Variants in ADAMTS12 observed in about 807,000 individuals in gnomAD.
ADAMTS12 encodes the protein A disintegrin and metalloproteinase with thrombospondin motifs 12.
ADAMTS12 carries 118 observed loss-of-function variants against 167.8 expected under a neutral mutation model. That is an observed-to-expected ratio of 0.70 (90% CI 0.61 to 0.82). The LOEUF is 0.82. ADAMTS12 is among the 40% of genes least tolerant of loss of function. The pLI, the probability that ADAMTS12 is intolerant of heterozygous loss-of-function variation, is 0.00. For synonymous variants in ADAMTS12, 704 were observed against 716.9 expected (o/e 0.98, Z 0.29); for missense variants, 1,916 against 1,998.8 (o/e 0.96, Z 0.79).
chr5:33,732,015 G>C (rs1398549130), intron 3 of ADAMTS12, among the ~76,000 whole-genome samples: 1 of 152,102 alleles, frequency 6.6e-6, no homozygotes, highest in Non-Finnish European at 1.5e-5. Context: ...GCTGCCTTGA[G>C]AAATATTCTA....
At chr5:33,583,697 A>C (rs1047621793) in intron 18 of ADAMTS12, among the ~76,000 whole-genome samples, 3 of 152,156 alleles carry the variant, frequency 2.0e-5, no homozygotes, top group African/African-American at 7.2e-5. Flanking sequence ...ACTGGAATAA[A>C]AGTTGTATCT....
rs1744278471 is a variant in ADAMTS12, at chr5:33,534,561, G to C, written c.4606+272C>G. 2.0e-5 allele frequency among the ~76,000 whole-genome samples: 3 copies of C among 152,158 alleles called. No homozygotes were observed. In the South Asian group the frequency reaches 6.2e-4, roughly 32 times the overall value. ...TTCTCATCCATGTTGGATGACATCA[G>C]TGTGAACAGGCTTACAGAGAGAAAA... On this transcript the variant is annotated intron_variant, in intron 23 of 23. Transcript: ENST00000504830.
At chr5:33,568,765 C>T (rs374413714) in intron 19 of ADAMTS12, among the ~76,000 whole-genome samples, 25 of 152,228 alleles carry the variant, frequency 1.6e-4, no homozygotes, top group East Asian at 5.8e-4. Flanking sequence ...TGCAGCGCAC[C>T]GTGCACCAGC....
At chr5:33,762,462 C>T (rs1211174672) in intron 2 of ADAMTS12, among the ~76,000 whole-genome samples, 9 of 151,812 alleles carry the variant, frequency 5.9e-5, no homozygotes, top group African/African-American at 7.3e-5. Context: ...GAGCCGAGAT[C>T]GTGCTACTGC....
At chr5:33,731,516 C>T (rs1744194272) in intron 3 of ADAMTS12, among the ~76,000 whole-genome samples, 1 of 152,194 alleles carries the variant, frequency 6.6e-6, no homozygotes, top group African/African-American at 2.4e-5. Context: ...GATAATGAGG[C>T]AAGGCAGCCA....
intron 7 of ADAMTS12, among the ~76,000 whole-genome samples, chr5:33,657,837 A>G (rs535232599): frequency 1.4e-4 from 21 of 152,286 alleles, no homozygotes; most frequent in Non-Finnish European, 1.5e-4. Context: ...TGATATTAAC[A>G]TTATCATTTC....
At chr5:33,789,976 T>A (rs529826691) in intron 2 of ADAMTS12, among the ~76,000 whole-genome samples, 6 of 152,230 alleles carry the variant, frequency 3.9e-5, no homozygotes, top group African/African-American at 1.4e-4. Flanking sequence ...ACACTATGAA[T>A]CCTTAAAATT....
chr5:33,592,048 C>G (rs758963284), intron 17 of ADAMTS12, among the ~76,000 whole-genome samples: 1 of 151,830 alleles, frequency 6.6e-6, no homozygotes, highest in Non-Finnish European at 1.5e-5. Context: ...TGGAGAAACC[C>G]CGTCTCTACT....
chr5:33,652,977 T>C (rs1740922292), intron 7 of ADAMTS12, among the ~76,000 whole-genome samples: 1 of 152,116 alleles, frequency 6.6e-6, no homozygotes, highest in African/African-American at 2.4e-5. Flanking sequence ...ACAGGGATAG[T>C]TTTGTTTCTT....
intron 2 of ADAMTS12, among the ~76,000 whole-genome samples, chr5:33,845,319 A>G (rs770727073): frequency 2.0e-5 from 3 of 152,218 alleles, no homozygotes; most frequent in Admixed American, 2.0e-4. Context: ...GGGAAAGTAC[A>G]AAATGACCCT....
At chr5:33,889,681 A>T (rs1276610431) in intron 1 of ADAMTS12, among the ~76,000 whole-genome samples, 1 of 152,204 alleles carries the variant, frequency 6.6e-6, no homozygotes, top group Non-Finnish European at 1.5e-5. Context: ...GGCTGGGTAC[A>T]GTAGTTCACA....
intron 3 of ADAMTS12, among the ~76,000 whole-genome samples, chr5:33,712,513 C>T (rs566920538): frequency 1.3e-5 from 2 of 152,178 alleles, no homozygotes; most frequent in East Asian, 1.9e-4. Context: ...GGGGTGGATA[C>T]GTTGGCAACA....
intron 2 of ADAMTS12, among the ~76,000 whole-genome samples, chr5:33,779,316 G>T (rs1746032041): frequency 6.6e-6 from 1 of 151,580 alleles, no homozygotes; most frequent in Non-Finnish European, 1.5e-5. Context: ...CTCCTGAGTA[G>T]CTGGGATTAC....
At chr5:33,530,515 G>A (rs1198099091) in intron 23 of ADAMTS12, among the ~76,000 whole-genome samples, 1 of 152,200 alleles carries the variant, frequency 6.6e-6, no homozygotes, top group Non-Finnish European at 1.5e-5. Flanking sequence ...TCTGTGGATG[G>A]AGGCTGGAGA....
chr5:33,675,102 T>C (rs895345598), intron 5 of ADAMTS12, among the ~76,000 whole-genome samples: 3 of 152,190 alleles, frequency 2.0e-5, no homozygotes, highest in Admixed American at 2.0e-4. Flanking sequence ...GATCTTGGAC[T>C]TCCCAGTCGC....
intron 19 of ADAMTS12, among the ~76,000 whole-genome samples, chr5:33,569,219 G>C (rs1162519772): frequency 6.6e-6 from 1 of 152,212 alleles, no homozygotes; most frequent in Non-Finnish European, 1.5e-5. Flanking sequence ...AAATGTCCTG[G>C]GCTGACAGCT....
chr5:33,635,969 G>C (rs765139799), intron 12 of ADAMTS12, among the ~76,000 whole-genome samples: 39 of 152,220 alleles, frequency 2.6e-4, no homozygotes, highest in Non-Finnish European at 4.9e-4. Flanking sequence ...AACTTCATCT[G>C]AGTTAGAGAA....
At chr5:33,689,926 C>A (rs1561216294) in intron 3 of ADAMTS12, among the ~76,000 whole-genome samples, 1 of 152,262 alleles carries the variant, frequency 6.6e-6, no homozygotes, top group East Asian at 1.9e-4. Flanking sequence ...GTGGGTGGCC[C>A]CAAAGGGGAT....
chr5:33,869,409 G>C (rs1208216337), intron 2 of ADAMTS12, among the ~76,000 whole-genome samples: 1 of 152,098 alleles, frequency 6.6e-6, no homozygotes, highest in Non-Finnish European at 1.5e-5. Context: ...CAGGGGTAGA[G>C]CCCTCATGGA....
Sources: allele counts gnomAD v4.1 joint callset (sites outside exome capture counted in the v4.1 genomes callset), GRCh38; gene constraint gnomAD v4.1.1; transcripts MANE v1.5; gene names NCBI Gene and HGNC (gene_info 2026-07-23, HGNC 2026-07-21).